DCDC1: variants seen among roughly 807,000 people sequenced by gnomAD.
The protein encoded by DCDC1 is doublecortin domain-containing protein 1.
DCDC1 carries 200 observed loss-of-function variants against 178.3 expected under a neutral mutation model. The ratio of observed to expected loss-of-function variants is 1.12; its 90% CI spans 1.00 to 1.26. The LOEUF (loss-of-function observed/expected upper bound fraction) is 1.26. Ranked by LOEUF, DCDC1 falls within the 50% of genes most tolerant of loss-of-function variation. DCDC1 has a pLI of 0.00. For missense variants in DCDC1, 1,983 were observed against 1,749.2 expected, an observed-to-expected ratio of 1.13 and a Z score of -2.38; for synonymous variants, 690 against 604.8, an observed-to-expected ratio of 1.14 and a Z score of -2.07.
intron 9 of DCDC1, among the ~76,000 whole-genome samples, chr11:31,213,271 C>A (rs1351762204): frequency 6.6e-6 from 1 of 151,332 alleles, no homozygotes; most frequent in Non-Finnish European, 1.5e-5. Context: ...TCTATTTTCG[C>A]CTCATGTCAA....
chr11:30,940,302 A>G (rs1330395535), intron 21 of DCDC1, among the ~76,000 whole-genome samples: 1 of 152,142 alleles, frequency 6.6e-6, no homozygotes, highest in African/African-American at 2.4e-5. Flanking sequence ...AGATCACTGT[A>G]TCTGGACAAT....
intron 18 of DCDC1, among the ~76,000 whole-genome samples, chr11:31,072,238 T>C (rs989833901): frequency 2.6e-5 from 4 of 152,150 alleles, no homozygotes; most frequent in African/African-American, 9.7e-5. Context: ...TTGTAATTTT[T>C]CTCCTGTCAT....
At chr11:31,020,590 T>C (rs961161714) in intron 20 of DCDC1, among the ~76,000 whole-genome samples, 5 of 152,138 alleles carry the variant, frequency 3.3e-5, no homozygotes, top group Non-Finnish European at 2.9e-5. Context: ...CTTAGATTAT[T>C]TTATAATTTT....
intron 20 of DCDC1, among the ~76,000 whole-genome samples, chr11:31,033,574 A>G (rs780098455): frequency 1.8e-4 from 28 of 152,298 alleles, no homozygotes; most frequent in Non-Finnish European, 3.8e-4. Context: ...ATTCTGAGGA[A>G]TTATATTTCC....
At chr11:31,096,568 C>T (rs776636350) in intron 15 of DCDC1, among the ~76,000 whole-genome samples, 64 of 152,262 alleles carry the variant, frequency 4.2e-4, no homozygotes, top group Non-Finnish European at 6.8e-4. Context: ...TCCTTTGTCT[C>T]TGCCTTGGGC....
intron 20 of DCDC1, among the ~76,000 whole-genome samples, chr11:30,983,258 T>A (rs1950480170): frequency 6.6e-6 from 1 of 152,164 alleles, no homozygotes; most frequent in Admixed American, 6.6e-5. Flanking sequence ...GAACACATAA[T>A]CAGAAGTGTT....
intron 20 of DCDC1, among the ~76,000 whole-genome samples, chr11:30,961,422 C>A (rs1949090936): frequency 1.3e-5 from 2 of 151,790 alleles, no homozygotes; most frequent in Non-Finnish European, 2.9e-5. Context: ...ACAGATATTC[C>A]AGCAAATTCC....
chr11:31,273,901 G>A (rs1011341157), intron 7 of DCDC1, among the ~76,000 whole-genome samples: 5 of 152,166 alleles, frequency 3.3e-5, no homozygotes, highest in Admixed American at 6.5e-5. Context: ...CAAGCAGAGA[G>A]AGAGCTTGTG....
chr11:31,034,438 C>T (rs1217220515), intron 20 of DCDC1, among the ~76,000 whole-genome samples: 1 of 152,146 alleles, frequency 6.6e-6, no homozygotes, highest in Admixed American at 6.6e-5. Flanking sequence ...TTTGGACTCA[C>T]CCAATGCAAC....
chr11:31,140,036 C>T (rs1486430645), intron 9 of DCDC1, among the ~76,000 whole-genome samples: 1 of 152,130 alleles, frequency 6.6e-6, no homozygotes, highest in Non-Finnish European at 1.5e-5. Flanking sequence ...TAAGAAAGGG[C>T]ATTTTCAGCC....
intron 20 of DCDC1, among the ~76,000 whole-genome samples, chr11:30,960,228 T>C (rs1260703773): frequency 2.0e-5 from 3 of 152,296 alleles, no homozygotes; most frequent in Admixed American, 1.3e-4. Flanking sequence ...CTTGTATGGA[T>C]ATAAAATCAC....
chr11:31,104,992 T>C (rs987903225), intron 13 of DCDC1, among the ~76,000 whole-genome samples: 33 of 152,102 alleles, frequency 2.2e-4, no homozygotes, highest in African/African-American at 6.8e-4. Context: ...AATGAGTAGC[T>C]TGACCCCTTC....
intron 20 of DCDC1, among the ~76,000 whole-genome samples, chr11:30,981,244 T>C (rs1950380556): frequency 6.6e-6 from 1 of 152,076 alleles, no homozygotes; most frequent in Admixed American, 6.6e-5. Context: ...GGTACAATGT[T>C]CACCATTTGA....
At position 30,892,946 on chromosome 11, in the gene DCDC1, C is replaced by T; in HGVS notation, c.4954G>A (p.Ala1652Thr). 6.2e-7 allele frequency: 1 copy of T among 1,613,848 alleles called. No individual in the cohort carries two copies. Among genetic ancestry groups the T allele is most frequent in the Non-Finnish European group, 8.5e-7 (1 of 1,179,836 alleles). The change falls in exon 36 of 39, where the codon GCA (alanine) becomes ACA (threonine). Residue 1652 changes from alanine to threonine, a missense_variant. Transcript: ENST00000684477. ...GGCTTGACTGCTATACGTTTGGTTG[C>T]AATTGGAAAATTTATTTTGGATTCC... is the stretch of plus-strand genomic sequence containing the variant. ...EMESKINFPI[A>T]TKRIAVKPSN...
Position 31,155,457 on chromosome 11 carries a change from T to C in DCDC1, c.1222-17673A>G, listed in dbSNP as rs79497933. Among the ~76,000 whole-genome samples, 1,075 of 152,344 alleles carry C rather than the reference T, an allele frequency of 7.1e-3. 7 individuals carry two copies. The highest frequency in any genetic ancestry group is 0.034 in the Middle Eastern group (10 of 294). On this transcript the variant is annotated intron_variant, in intron 9 of 38. Coordinates refer to ENST00000684477, the MANE Select transcript of DCDC1 (RefSeq NM_001387274.1). ...GACCCATTTCTCAAGACACAAACTT[T>C]GAAATCTCCACAGAAAAAATAATCT...
chr11:30,924,760 G>A (rs1442110462), intron 23 of DCDC1, among the ~76,000 whole-genome samples: 1 of 152,052 alleles, frequency 6.6e-6, no homozygotes, highest in Non-Finnish European at 1.5e-5. Flanking sequence ...CTAGAGTCTA[G>A]GATCATGATG....
intron 9 of DCDC1, among the ~76,000 whole-genome samples, chr11:31,224,270 C>T (rs551598427): frequency 1.3e-5 from 2 of 151,856 alleles, no homozygotes; most frequent in South Asian, 4.2e-4. Context: ...ATAAGGACAT[C>T]CTGGTCAATA....
At chr11:30,929,698 T>C (rs749628155) in intron 22 of DCDC1, among the ~76,000 whole-genome samples, 6 of 152,118 alleles carry the variant, frequency 3.9e-5, no homozygotes, top group Non-Finnish European at 8.8e-5. Context: ...CAAAGCCTCA[T>C]CTGGGGCCTT....
At position 30,931,837 on chromosome 11, in the gene DCDC1, C is replaced by A. The variant is rs774748230; in HGVS notation, c.2831G>T (p.Gly944Val). 6 of 1,612,896 alleles carry A rather than the reference C, an allele frequency of 3.7e-6. No homozygotes were observed. Among genetic ancestry groups the A allele is most frequent in the African/African-American group, 2.7e-5 (2 of 74,860 alleles). Residue 944 changes from glycine to valine, a missense_variant, in exon 22 of 39, where the codon GGA becomes GTA. Transcript: ENST00000684477. ...APVRLRVLQN[G>V]EKNKNRSVTI... Reference sequence around the variant, plus strand: ...AACGGATCTGTTTTTATTCTTCTCTCCATTCTGCAAAACTCTGAGTCGCAC... The same window carrying A: ...AACGGATCTGTTTTTATTCTTCTCTACATTCTGCAAAACTCTGAGTCGCAC...
Sources: gnomAD v4.1 joint callset for allele counts (sites outside exome capture counted in the v4.1 genomes callset) on GRCh38, gnomAD v4.1.1 for gene constraint, MANE v1.5 for transcripts, NCBI Gene and HGNC (gene_info 2026-07-23, HGNC 2026-07-21) for gene names.